Variants in COL2A1 observed in about 807,000 individuals in gnomAD.
COL2A1 encodes the protein collagen type II alpha 1 chain.
A neutral mutation model predicts 204.5 loss-of-function variants in COL2A1; 28 were observed. That is an observed-to-expected ratio of 0.14 (90% CI 0.10 to 0.19). COL2A1 has a LOEUF of 0.19. Among genes scored for constraint, COL2A1 ranks in the 10% least tolerant of loss-of-function variants. The pLI is 1.00. For synonymous variants in COL2A1, 708 were observed against 718.7 expected (o/e 0.99, Z 0.24); for missense variants, 1,388 against 2,027.5 (o/e 0.68, Z 6.06).
intron 2 of COL2A1, chr12:47,999,653 T>TTTTTTTTTTC (rs1940137346): frequency 5.6e-6 from 1 of 179,310 alleles, no homozygotes; most frequent in Non-Finnish European, 1.2e-5. Flanking sequence ...TTTTTTTTTT[T>TTTTTTTTTTC]GTAGAATCAC....
At chr12:47,986,572 G>A in intron 22 of COL2A1, 129 bp from the exon 23 acceptor site, 2 of 727,992 alleles carry the variant, frequency 2.7e-6, no homozygotes, top group Non-Finnish European at 4.7e-6. Flanking sequence ...AGGACGAGAG[G>A]CCATAAAGGA....
At chr12:47,989,852 TC>T in intron 16 of COL2A1, 47 bp from the exon 17 acceptor site, 2 of 1,580,426 alleles carry the variant, frequency 1.3e-6, no homozygotes, top group South Asian at 2.2e-5. Context: ...ACAGGCCCTG[TC>T]CGTCCCTGCT....
intron 18 of COL2A1, among the ~76,000 whole-genome samples, chr12:47,988,112 A>G (rs1405065062): frequency 6.6e-6 from 1 of 152,064 alleles, no homozygotes; most frequent in Admixed American, 6.5e-5. Context: ...CTGTTTTTCT[A>G]TTTTATTGAG....
At chr12:48,004,507 G>T, upstream of COL2A1, 1 of 535,860 alleles carries the variant, frequency 1.9e-6, no homozygotes, top group Non-Finnish European at 3.3e-6. Flanking sequence ...CCCGTTATAT[G>T]CGCCCGGCCC....
At chr12:47,981,529 G>A (rs546264950) in intron 36 of COL2A1, 133 bp from the exon 37 acceptor site, 846 of 926,500 alleles carry the variant, frequency 9.1e-4, no homozygotes, top group Admixed American at 1.5e-3. Context: ...CTGTGTTACT[G>A]TGCAGCCCAT....
intron 2 of COL2A1, chr12:47,998,666 A>T (rs1940081210): frequency 1.8e-6 from 1 of 546,622 alleles, no homozygotes; most frequent in African/African-American, 1.9e-5. Context: ...TTATTCAAAA[A>T]GCAGGCAGCA....
In COL2A1 at chr12:47,976,871, C is replaced by T. The variant is rs762592219; in HGVS notation, c.3376G>A (p.Glu1126Lys). 4.3e-6 allele frequency: 7 copies of T among 1,612,522 alleles called. No individual in the cohort carries two copies. The highest frequency in any genetic ancestry group is 4.0e-5 in the African/African-American group (3 of 74,922). The change falls in exon 48 of 54, where the codon GAG (glutamate) becomes AAG (lysine). Residue 1126 changes from glutamate (E) to lysine (K), a missense_variant. Transcript: ENST00000380518. The surrounding 1 kb of genome is among the most constrained non-coding windows in gnomAD (Gnocchi z 4.3). ...GDKGEAGEPGERGLKGHRGFT... is the reference protein window; with the variant it reads ...GDKGEAGEPGKRGLKGHRGFT... Reference sequence around the variant, plus strand: ...CCACGGTGTCCCTTCAGGCCTCTCTCGCCAGGCTCTCCAGCCTCTCCTTTG... The same window carrying T: ...CCACGGTGTCCCTTCAGGCCTCTCTTGCCAGGCTCTCCAGCCTCTCCTTTG...
At chr12:48,004,074 C>T in intron 1 of COL2A1, 163 bp downstream of exon 1, 1 of 644,190 alleles carries the variant, frequency 1.6e-6, no homozygotes, top group Non-Finnish European at 2.9e-6. Context: ...CAGAACTCTT[C>T]TTGGTGAACT....
rs748569179 is a variant in COL2A1 at position 47,982,585 on chromosome 12, G to T, written c.2218C>A (p.Pro740Thr). ...AGACCTGGAGGGCCCTGAGCCCCAGGGGGGCCTGCTGGGCCAGATGCACCC... is the reference window on the plus strand; with the variant it reads ...AGACCTGGAGGGCCCTGAGCCCCAGTGGGGCCTGCTGGGCCAGATGCACCC... The part of the protein sequence containing the change: ...PKGASGPAGP[P>T]GAQGPPGLQG... The change falls in exon 34 of 54, where the codon CCT (proline) becomes ACT (threonine). Residue 740 changes from proline (P) to threonine (T), a missense_variant. Pro to Thr is a conservative substitution (Grantham distance 38). Coordinates refer to ENST00000380518, the MANE Select transcript of COL2A1 (RefSeq NM_001844.5). 4 of 1,613,394 alleles carry T rather than the reference G, an allele frequency of 2.5e-6. No individual in the cohort carries two copies. Among genetic ancestry groups the T allele is most frequent in the East Asian group, 2.2e-5 (1 of 44,866 alleles).
chr12:47,978,176 CACTG>C lies in COL2A1; in HGVS notation c.3004-63_3004-60del. ...GTGGTAAGCACCCCTGCCCAGGGCC[CACTG>C]ACCCTTCAGGGAGAGGGCAGACAAG... On this transcript the variant is annotated intron_variant, in intron 43 of 53. Coordinates refer to ENST00000380518, the MANE Select transcript of COL2A1 (RefSeq NM_001844.5). The surrounding 1 kb of genome is among the most constrained non-coding windows in gnomAD (Gnocchi z 5.5). 2 of 1,581,770 alleles carry C rather than the reference CACTG, an allele frequency of 1.3e-6. No homozygotes were observed. The highest frequency in any genetic ancestry group is 2.7e-5 in the African/African-American group (2 of 74,324).
chr12:47,986,665 G>C (rs1939435377), intron 22 of COL2A1, among the ~76,000 whole-genome samples, 170 bp downstream of exon 22: 1 of 152,222 alleles, frequency 6.6e-6, no homozygotes, highest in Non-Finnish European at 1.5e-5. Flanking sequence ...GGGAGCTGAA[G>C]CTGTATCTGG....
chr12:47,998,446 A>T lies in COL2A1; in HGVS notation c.293-15T>A. The T allele has an allele frequency of 5.0e-6, 8 of 1,610,458 alleles. No homozygotes were observed. Among genetic ancestry groups the T allele is most frequent in the Non-Finnish European group, 6.8e-6 (8 of 1,177,502 alleles). On this transcript the variant is annotated splice_polypyrimidine_tract_variant and intron_variant, in intron 2 of 53. Coordinates refer to ENST00000380518, the MANE Select transcript of COL2A1 (RefSeq NM_001844.5). ...TCCTGGTTGCCCTGCAAGGGAAAAA[A>T]TATAGAGAAGAAGAAGGTAAGAATC...
At position 47,984,470 on chromosome 12, in the gene COL2A1, G is replaced by T. The variant is rs529218150; in HGVS notation, c.1887+76C>A. On this transcript the variant is annotated intron_variant, in intron 28 of 53. Transcript: ENST00000380518. ...CTGAGGGGTCCCGGGACCATGCCAT[G>T]GGGAGGCCGTTCCCCTGTCCTCCCT... 3.4e-6 allele frequency: 5 copies of T among 1,450,158 alleles called. No homozygotes were observed. In the African/African-American group the frequency reaches 7.0e-5, roughly 20 times the overall value. The allele number at this position is 1,450,158 out of a possible 1,614,324, so 89.8% of individuals were successfully genotyped here.
chr12:47,979,199 T>G (rs1339464601), intron 41 of COL2A1, among the ~76,000 whole-genome samples: 1 of 152,094 alleles, frequency 6.6e-6, no homozygotes, highest in Non-Finnish European at 1.5e-5. Flanking sequence ...ACATGCGGAC[T>G]TGCTTTAAAG....
intron 52 of COL2A1, 71 bp from the exon 53 acceptor site, chr12:47,974,402 T>G: frequency 1.3e-6 from 2 of 1,588,648 alleles, no homozygotes; most frequent in South Asian, 2.3e-5. Flanking sequence ...CTGTAGGGGC[T>G]GCCAAGAGTT....
rs1940384157 is a variant in COL2A1 at position 48,004,442 on chromosome 12, G to A, written c.-121C>T. 1.7e-6 allele frequency: 1 copy of A among 595,432 alleles called. No homozygotes were observed. Among genetic ancestry groups the A allele is most frequent in the East Asian group, 2.9e-5 (1 of 34,274 alleles). 36.9% of individuals were successfully genotyped at this position (595,432 alleles called of 1,614,324 possible). A position where few individuals can be genotyped will look rare whatever the true frequency, so the allele number is the denominator to read the frequency against. ...CAGGAGGCCCTTGGAGCAGGAGGGG[G>A]AAGCGGGAGACCCGGCAGCCCAGCA... On this transcript the variant is annotated 5_prime_UTR_variant, in exon 1 of 54. Coordinates refer to ENST00000380518, the MANE Select transcript of COL2A1 (RefSeq NM_001844.5).
In COL2A1 at chr12:47,974,843, G is replaced by A; in HGVS notation, c.3906C>T (p.Pro1302=). The A allele has an allele frequency of 6.2e-7, 1 of 1,614,122 alleles. No individual in the cohort carries two copies. The highest frequency in any genetic ancestry group is 1.1e-5 in the South Asian group (1 of 91,078). The change falls in exon 52 of 54, where the codon CCC becomes CCT. Residue 1302 remains proline, a synonymous_variant. Coordinates refer to ENST00000380518, the MANE Select transcript of COL2A1 (RefSeq NM_001844.5). The part of the protein sequence containing the change: ...EWKSGDYWID[P]NQGCTLDAMK... ...TGGCGTCCAAGGTGCAGCCTTGGTT[G>A]GGGTCAATCCAGTAGTCTCCTGCAG...
intron 11 of COL2A1, 77 bp downstream of exon 11, chr12:47,995,178 T>C: frequency 7.5e-7 from 1 of 1,340,326 alleles, no homozygotes; most frequent in Non-Finnish European, 1.1e-6. Context: ...TGCCTCCCTG[T>C]CACTCCCCAA....
At chr12:47,983,244 C>A in intron 31 of COL2A1, 107 bp from the exon 32 acceptor site, 2 of 1,501,464 alleles carry the variant, frequency 1.3e-6, no homozygotes, top group South Asian at 2.4e-5. Flanking sequence ...GGGATTGTGT[C>A]ATCTGTGGAG....
Sources: gnomAD v4.1 joint callset for allele counts (sites outside exome capture counted in the v4.1 genomes callset) on GRCh38, gnomAD v4.1.1 for gene constraint, Gnocchi (gnomAD v3.1) non-coding constraint, MANE v1.5 for transcripts, NCBI Gene and HGNC (gene_info 2026-07-23, HGNC 2026-07-21) for gene names.